TECRL: variants seen among roughly 807,000 people sequenced by gnomAD.
The protein encoded by TECRL is trans-2,3-enoyl-CoA reductase like, also known as trans-2,3-enoyl-CoA reductase-like.
TECRL carries 63 observed loss-of-function variants against 52.8 expected under a neutral mutation model. That is an observed-to-expected ratio of 1.19 (90% CI 0.97 to 1.47). The LOEUF is 1.47. TECRL is among the 40% of genes most tolerant of loss of function. The pLI, the probability that TECRL is intolerant of heterozygous loss-of-function variation, is 0.00. For missense variants in TECRL, 482 were observed against 429.6 expected (o/e 1.12, Z -1.08); for synonymous variants, 164 against 141.9 (o/e 1.16, Z -1.10).
chr4:64,374,052 CATATATAT>C (rs77300773), intron 2 of TECRL, among the ~76,000 whole-genome samples: 117 of 105,986 alleles, frequency 1.1e-3, no homozygotes, highest in African/African-American at 1.6e-3. Context: ...ATAGTAGATA[CATATATAT>C]ATATATATAT....
chr4:64,374,555 TC>T (rs1577957068), intron 2 of TECRL, among the ~76,000 whole-genome samples: 1 of 151,680 alleles, frequency 6.6e-6, no homozygotes. Flanking sequence ...ATGCTATCCC[TC>T]CCCGCTCCCC....
chr4:64,345,001 A>T (rs1719846869), intron 2 of TECRL, among the ~76,000 whole-genome samples: 1 of 152,210 alleles, frequency 6.6e-6, no homozygotes, highest in Admixed American at 6.5e-5. Context: ...TCAAAACCAC[A>T]ATGAGATACC....
intron 9 of TECRL, among the ~76,000 whole-genome samples, chr4:64,284,589 C>T (rs997781892): frequency 6.6e-6 from 1 of 151,930 alleles, no homozygotes; most frequent in Non-Finnish European, 1.5e-5. Context: ...ATTAAAGGAC[C>T]CTTCCTCACA....
At chr4:64,369,308 A>G (rs2109651615) in intron 2 of TECRL, among the ~76,000 whole-genome samples, 1 of 152,226 alleles carries the variant, frequency 6.6e-6, no homozygotes, top group African/African-American at 2.4e-5. Context: ...CTCTTCCTCT[A>G]TATTCATATT....
At chr4:64,393,665 T>A (rs928389925) in intron 1 of TECRL, among the ~76,000 whole-genome samples, 2 of 151,784 alleles carry the variant, frequency 1.3e-5, no homozygotes, top group African/African-American at 4.8e-5. Context: ...TTTACTATCT[T>A]ACAGAAAATA....
intron 1 of TECRL, among the ~76,000 whole-genome samples, chr4:64,392,796 G>A (rs1007489425): frequency 4.6e-5 from 7 of 151,896 alleles, no homozygotes; most frequent in African/African-American, 1.7e-4. Context: ...GGCCTATGCT[G>A]TACTTTATAA....
chr4:64,301,082 T>C (rs1723992728), intron 7 of TECRL, among the ~76,000 whole-genome samples: 1 of 150,942 alleles, frequency 6.6e-6, no homozygotes, highest in South Asian at 2.1e-4. Context: ...AAACCATATG[T>C]ACATGAATTG....
intron 2 of TECRL, among the ~76,000 whole-genome samples, chr4:64,339,796 T>G (rs923513724): frequency 5.3e-5 from 8 of 152,070 alleles, no homozygotes; most frequent in Non-Finnish European, 7.3e-5. Flanking sequence ...TCCTTTCTGC[T>G]TATTTACACT....
chr4:64,317,483 TA>T (rs34700411), intron 4 of TECRL, among the ~76,000 whole-genome samples: 2 of 152,052 alleles, frequency 1.3e-5, no homozygotes, highest in South Asian at 2.1e-4. Context: ...TATCAGCAGT[TA>T]AAAAAATGTA....
Position 64,281,502 on chromosome 4 carries a change from A to G in TECRL, c.890T>C (p.Leu297Pro). Reference sequence around the variant, plus strand: ...ATAGGTGTAGTTAGGACATGAAACCAGGAAAAACATCCATGTGAAGGGGTT... The same window carrying G: ...ATAGGTGTAGTTAGGACATGAAACCGGGAAAAACATCCATGTGAAGGGGTT... Reference protein sequence around the residue: ...NYNPFTWMFFLVSCPNYTYEI... With the variant: ...NYNPFTWMFFPVSCPNYTYEI... Residue 297 changes from leucine to proline, a missense_variant, in exon 10 of 12, where the codon CTG (leucine) becomes CCG (proline). By Grantham distance (98) the Leu-to-Pro change is moderately conservative. Transcript: ENST00000381210. 1 of 1,605,236 alleles carries G rather than the reference A, an allele frequency of 6.2e-7. No individual in the cohort carries two copies. Among genetic ancestry groups the G allele is most frequent in the East Asian group, 2.2e-5 (1 of 44,584 alleles).
chr4:64,355,883 G>C (rs889945730), intron 2 of TECRL, among the ~76,000 whole-genome samples: 4 of 151,868 alleles, frequency 2.6e-5, no homozygotes, highest in African/African-American at 4.8e-5. Flanking sequence ...ACAATTGTAG[G>C]GAAAAGAAAG....
At chr4:64,292,888 G>A (rs1723468379) in intron 8 of TECRL, among the ~76,000 whole-genome samples, 1 of 151,936 alleles carries the variant, frequency 6.6e-6, no homozygotes, top group Admixed American at 6.6e-5. Flanking sequence ...AAATCCACTA[G>A]GTGCTAGTGT....
intron 2 of TECRL, among the ~76,000 whole-genome samples, chr4:64,373,899 A>C (rs1722155366): frequency 6.7e-6 from 1 of 149,202 alleles, no homozygotes; most frequent in Non-Finnish European, 1.5e-5. Context: ...TTTAAGTAGA[A>C]ATACACCAAA....
chr4:64,324,896 TAC>T (rs1718145964), intron 3 of TECRL, among the ~76,000 whole-genome samples: 1 of 152,198 alleles, frequency 6.6e-6, no homozygotes, highest in African/African-American at 2.4e-5. Context: ...GGATTTCTGC[TAC>T]CTGTATAATC....
At chr4:64,310,454 G>T (rs927485243) in intron 5 of TECRL, among the ~76,000 whole-genome samples, 20 of 151,978 alleles carry the variant, frequency 1.3e-4, no homozygotes, top group African/African-American at 4.1e-4. Context: ...TGTTTTGTTT[G>T]TTTTTTCCTA....
chr4:64,405,196 T>C (rs1724623869), intron 1 of TECRL, among the ~76,000 whole-genome samples: 1 of 152,106 alleles, frequency 6.6e-6, no homozygotes, highest in Admixed American at 6.6e-5. Context: ...CTCCAGGAAA[T>C]GTTAACAGTT....
intron 4 of TECRL, among the ~76,000 whole-genome samples, chr4:64,322,120 G>T (rs1717942349): frequency 1.3e-5 from 2 of 152,104 alleles, no homozygotes; most frequent in Admixed American, 6.6e-5. Context: ...CCTCAGGAGA[G>T]AACCTTCAGC....
At chr4:64,319,669 G>C (rs534115894) in intron 4 of TECRL, among the ~76,000 whole-genome samples, 1 of 151,872 alleles carries the variant, frequency 6.6e-6, no homozygotes, top group South Asian at 2.1e-4. Flanking sequence ...AGCTTTATTT[G>C]TTAATAGCAA....
intron 6 of TECRL, 110 bp downstream of exon 6, chr4:64,309,716 A>C: frequency 1.3e-6 from 1 of 763,942 alleles, no homozygotes; most frequent in Non-Finnish European, 2.3e-6. Context: ...ATGCTTATGC[A>C]ATTAAACGTG....
Sources: allele counts gnomAD v4.1 joint callset (sites outside exome capture counted in the v4.1 genomes callset), GRCh38; gene constraint gnomAD v4.1.1; transcripts MANE v1.5; gene names NCBI Gene and HGNC (gene_info 2026-07-23, HGNC 2026-07-21).